Variants in LRCH1 observed in about 807,000 individuals in gnomAD.
LRCH1 encodes leucine rich repeats and calponin homology domain containing 1, also known as leucine-rich repeat and calponin homology domain-containing protein 1.
In LRCH1, 23 loss-of-function variants were observed where a neutral mutation model predicts 94.9. The ratio of observed to expected loss-of-function variants is 0.24; its 90% confidence interval spans 0.17 to 0.34. The LOEUF (loss-of-function observed/expected upper bound fraction) is 0.34, where lower values mean the gene tolerates loss of function less well. LRCH1 is among the 10% of genes least tolerant of loss of function. The pLI is 1.00. For synonymous variants in LRCH1, 364 were observed against 354.9 expected, an observed-to-expected ratio of 1.03 and a Z score of -0.29; for missense variants, 790 against 945.9, an observed-to-expected ratio of 0.84 and a Z score of 2.16.
chr13:46,601,499 A>T (rs964017550), intron 1 of LRCH1, among the ~76,000 whole-genome samples: 2 of 152,246 alleles, frequency 1.3e-5, no homozygotes, highest in Non-Finnish European at 2.9e-5. Flanking sequence ...TTCATAGATC[A>T]TAGGTACATA....
intron 1 of LRCH1, among the ~76,000 whole-genome samples, chr13:46,574,562 G>C (rs2050280287): frequency 6.6e-6 from 1 of 152,214 alleles, no homozygotes; most frequent in Non-Finnish European, 1.5e-5. Context: ...ATAAACAAGA[G>C]CACTTTTTTT....
intron 1 of LRCH1, among the ~76,000 whole-genome samples, chr13:46,598,919 T>C (rs1192075919): frequency 6.6e-6 from 1 of 152,186 alleles, no homozygotes; most frequent in African/African-American, 2.4e-5. Context: ...CATATTCACA[T>C]TGTCGCACAG....
At chr13:46,593,855 GT>G (rs1231328086) in intron 1 of LRCH1, among the ~76,000 whole-genome samples, 1 of 152,126 alleles carries the variant, frequency 6.6e-6, no homozygotes, top group Non-Finnish European at 1.5e-5. Flanking sequence ...CTTTGGTGAA[GT>G]TGGACCACAA....
At chr13:46,571,785 C>T (rs2050243139) in intron 1 of LRCH1, among the ~76,000 whole-genome samples, 1 of 152,108 alleles carries the variant, frequency 6.6e-6, no homozygotes, top group South Asian at 2.1e-4. Context: ...TCTCATTTCT[C>T]ATCTGTAAAG....
At chr13:46,588,276 A>C (rs1286713754) in intron 1 of LRCH1, among the ~76,000 whole-genome samples, 1 of 152,248 alleles carries the variant, frequency 6.6e-6, no homozygotes, top group African/African-American at 2.4e-5. Context: ...AAACCCCTAC[A>C]AATCTGAGAT....
At position 46,670,135 on chromosome 13, in the gene LRCH1, A is replaced by T. The variant is rs2051578626; in HGVS notation, c.579+979A>T. Among the ~76,000 whole-genome samples, 2 of 152,242 alleles carry T rather than the reference A, an allele frequency of 1.3e-5. 1 individual carries two copies. The highest frequency in any genetic ancestry group is 4.1e-4 in the South Asian group (2 of 4,830). On this transcript the variant is annotated intron_variant, in intron 3 of 19. Coordinates refer to ENST00000389797, the MANE Select transcript of LRCH1 (RefSeq NM_001164211.2). ...GTGATGGCACCCATGTCACATACGTATCAACTTTGACTTTAATATAGAAAT... is the reference window on the plus strand; with the variant it reads ...GTGATGGCACCCATGTCACATACGTTTCAACTTTGACTTTAATATAGAAAT...
chr13:46,716,012 A>G (rs1266611923), intron 16 of LRCH1, among the ~76,000 whole-genome samples: 2 of 152,074 alleles, frequency 1.3e-5, no homozygotes, highest in African/African-American at 4.8e-5. Flanking sequence ...CATCTGAACT[A>G]AATGGTTTTA....
chr13:46,648,660 A>G (rs1473946309), intron 1 of LRCH1, among the ~76,000 whole-genome samples: 1 of 152,214 alleles, frequency 6.6e-6, no homozygotes, highest in Admixed American at 6.5e-5. Context: ...TAAATTATAT[A>G]GATATAATTG....
rs148822676 is a variant in LRCH1, at chr13:46,744,295, G to GT, written c.*2453dup. On this transcript the variant is annotated 3_prime_UTR_variant, in exon 20 of 20. Transcript: ENST00000389797. ...AAATCTCCTCCTCACAAGAAAGACC[G>GT]TTTTTTCAGTACTCCCTTCCAATGT... 52,264 of 985,102 alleles carry GT rather than the reference G, an allele frequency of 0.053. 5,010 individuals are homozygous for GT. The highest frequency in any genetic ancestry group is 0.38 in the African/African-American group (21,885 of 57,186). 61.0% of individuals were successfully genotyped at this position (985,102 alleles called of 1,614,324 possible).
chr13:46,701,518 A>G (rs187946668), intron 11 of LRCH1, among the ~76,000 whole-genome samples: 3 of 152,316 alleles, frequency 2.0e-5, no homozygotes, highest in African/African-American at 7.2e-5. Flanking sequence ...CATGTTTTAT[A>G]TTGCTTAAAG....
downstream of LRCH1, among the ~76,000 whole-genome samples, chr13:46,748,368 A>T (rs1174712942): frequency 6.6e-6 from 1 of 152,052 alleles, no homozygotes; most frequent in African/African-American, 2.4e-5. Context: ...CCCAAGTAAT[A>T]TCTGGCACCA....
At chr13:46,572,706 A>G (rs1243886813) in intron 1 of LRCH1, among the ~76,000 whole-genome samples, 4 of 152,242 alleles carry the variant, frequency 2.6e-5, no homozygotes, top group African/African-American at 9.6e-5. Context: ...AACATTGCAA[A>G]GACTTTAAAA....
intron 1 of LRCH1, among the ~76,000 whole-genome samples, chr13:46,628,656 C>A (rs1264212983): frequency 8.6e-6 from 1 of 116,682 alleles, no homozygotes; most frequent in Admixed American, 9.7e-5. Flanking sequence ...TTCTCTGTCT[C>A]AGGGAAGAAA....
chr13:46,633,914 T>C (rs1417827167), intron 1 of LRCH1, among the ~76,000 whole-genome samples: 1 of 147,276 alleles, frequency 6.8e-6, no homozygotes, highest in Non-Finnish European at 1.5e-5. Context: ...GGAGTCTCGC[T>C]CTGTCGCCCG....
At chr13:46,721,818 A>G (rs1026360184) in intron 16 of LRCH1, among the ~76,000 whole-genome samples, 3 of 152,186 alleles carry the variant, frequency 2.0e-5, no homozygotes, top group Non-Finnish European at 2.9e-5. Flanking sequence ...TTAACTCTCA[A>G]GTCGACGATT....
chr13:46,668,953 C>G, intron 2 of LRCH1, 77 bp from the exon 3 acceptor site: 2 of 1,474,150 alleles, frequency 1.4e-6, no homozygotes, highest in Non-Finnish European at 1.8e-6. Flanking sequence ...TTTTTCCTTT[C>G]TTGTTAAAAA....
At chr13:46,667,123 C>T (rs1230453976) in intron 2 of LRCH1, among the ~76,000 whole-genome samples, 1 of 152,196 alleles carries the variant, frequency 6.6e-6, no homozygotes. Flanking sequence ...AAATCTGCCT[C>T]TTTCTGGAAA....
chr13:46,555,121 C>T (rs2050049708), intron 1 of LRCH1, among the ~76,000 whole-genome samples: 1 of 152,080 alleles, frequency 6.6e-6, no homozygotes, highest in African/African-American at 2.4e-5. Flanking sequence ...AGTCAGGAAT[C>T]GGCAAAAAAG....
exon 19 of LRCH1, chr13:46,752,712 C>T (rs576415040): frequency 4.6e-5 from 7 of 152,030 alleles, no homozygotes; most frequent in East Asian, 1.9e-4. Context: ...TATTTTCTTA[C>T]GTGTATATAT....
Sources: gnomAD v4.1 joint callset for allele counts (sites outside exome capture counted in the v4.1 genomes callset) on GRCh38, gnomAD v4.1.1 for gene constraint, MANE v1.5 for transcripts, NCBI Gene and HGNC (gene_info 2026-07-23, HGNC 2026-07-21) for gene names.